Variants in IL5RA observed in about 807,000 individuals in gnomAD.
The protein encoded by IL5RA is interleukin-5 receptor subunit alpha.
A neutral mutation model predicts 50.0 loss-of-function variants in IL5RA; 49 were observed. The observed-to-expected ratio is 0.98, with a 90% confidence interval of 0.78 to 1.24. The LOEUF is 1.24. Among genes scored for constraint, IL5RA ranks in the 50% most tolerant of loss-of-function variants. The pLI is 0.00. For missense variants in IL5RA, 600 were observed against 500.4 expected, an observed-to-expected ratio of 1.20 and a Z score of -1.90; for synonymous variants, 202 against 174.0, an observed-to-expected ratio of 1.16 and a Z score of -1.26.
At chr3:3,090,298 C>G in intron 9 of IL5RA, 1 of 1,383,666 alleles carries the variant, frequency 7.2e-7, no homozygotes, top group Non-Finnish European at 1.0e-6. Context: ...GATACACAAT[C>G]AATCCTTGTA....
chr3:3,086,333 C>G (rs188690612), intron 9 of IL5RA, among the ~76,000 whole-genome samples: 2 of 152,144 alleles, frequency 1.3e-5, no homozygotes, highest in African/African-American at 4.8e-5. Flanking sequence ...TGAGAAAACA[C>G]ACAGCTTCAT....
In IL5RA at chr3:3,079,953, G is replaced by C. The variant is rs141383510; in HGVS notation, c.995-3326C>G. On this transcript the variant is annotated intron_variant, in intron 9 of 11. Coordinates refer to ENST00000446632, the MANE Select transcript of IL5RA (RefSeq NM_175726.4). ...GGAGGCTGAGGCAGGAGGATCCCTT[G>C]AACCTAGGAGGCAGAGGCTGCAGTG... 1.5e-3 allele frequency among the ~76,000 whole-genome samples: 222 copies of C among 152,166 alleles called. 1 individual carries two copies. The highest frequency in any genetic ancestry group is 5.1e-3 in the African/African-American group (212 of 41,516).
chr3:3,103,785 C>T (rs1055979499), intron 3 of IL5RA, among the ~76,000 whole-genome samples: 8 of 61,366 alleles, frequency 1.3e-4, no homozygotes, highest in Admixed American at 1.9e-4. Flanking sequence ...ATGATATATT[C>T]GTTATGTTTT....
chr3:3,080,026 T>C (rs1702613940), intron 9 of IL5RA, among the ~76,000 whole-genome samples: 1 of 151,760 alleles, frequency 6.6e-6, no homozygotes, highest in South Asian at 2.1e-4. Context: ...AGCAAGACAC[T>C]GTCTCGAAAA....
At chr3:3,076,701 G>T in intron 9 of IL5RA, 74 bp from the exon 10 acceptor site, 1 of 935,074 alleles carries the variant, frequency 1.1e-6, no homozygotes, top group Non-Finnish European at 1.7e-6. Flanking sequence ...AAATGATGAG[G>T]CTTGGGTCAT....
chr3:3,092,198 A>G lies in IL5RA; in HGVS notation c.994+26T>C, dbSNP rs76491540. The stretch of plus-strand genomic sequence containing the variant: ...TTTTTGATCACAAGGAAGGCTGCCA[A>G]TGTAAAATAAACATAAGCTACTTAC... On this transcript the variant is annotated intron_variant, in intron 9 of 11. Transcript: ENST00000446632. This position sits in a 1 kb window ranked among gnomAD's most constrained non-coding sequence, Gnocchi z 4.2. 2,537 of 1,605,414 alleles carry G rather than the reference A, an allele frequency of 1.6e-3. 86 individuals are homozygous for G. In the East Asian group the frequency reaches 0.05, roughly 31 times the overall value.
At chr3:3,086,404 G>T (rs901531829) in intron 9 of IL5RA, among the ~76,000 whole-genome samples, 2 of 152,140 alleles carry the variant, frequency 1.3e-5, no homozygotes, top group African/African-American at 4.8e-5. Context: ...GATAACAAAG[G>T]AACAGAAGAA....
chr3:3,101,568 T>C, intron 5 of IL5RA, 124 bp downstream of exon 5: 1 of 850,034 alleles, frequency 1.2e-6, no homozygotes. Flanking sequence ...GTTGTTGATA[T>C]GGGAGAGTAC....
intron 3 of IL5RA, 180 bp from the exon 4 acceptor site, chr3:3,103,000 G>A (rs1703727792): frequency 4.1e-6 from 2 of 487,138 alleles, no homozygotes; most frequent in East Asian, 3.7e-5. Context: ...ATTTCTACCC[G>A]AGTAGCTGGG....
At chr3:3,101,124 A>C (rs1703630608) in intron 5 of IL5RA, among the ~76,000 whole-genome samples, 1 of 151,686 alleles carries the variant, frequency 6.6e-6, no homozygotes, top group Non-Finnish European at 1.5e-5. Context: ...GGTTGCAGTG[A>C]GTCAAGAACA....
chr3:3,108,623 T>C lies in IL5RA; in HGVS notation c.-77A>G, dbSNP rs1454484816. 1 of 152,288 alleles carries C rather than the reference T, an allele frequency of 6.6e-6. No individual in the cohort carries two copies. Among genetic ancestry groups the C allele is most frequent in the Non-Finnish European group, 1.5e-5 (1 of 68,072 alleles). 9.4% of individuals were successfully genotyped at this position (152,288 alleles called of 1,614,324 possible). On this transcript the variant is annotated 5_prime_UTR_variant, in exon 2 of 12. Transcript: ENST00000446632. ...GCGAGGACCGTGTCTGTCGTGTCTA[T>C]GCTCGTGGCTGCAACCCCAGCATCT...
chr3:3,071,451 T>G (rs1188528168), intron 11 of IL5RA, among the ~76,000 whole-genome samples: 1 of 152,210 alleles, frequency 6.6e-6, no homozygotes, highest in East Asian at 1.9e-4. Flanking sequence ...CTTGTCTCTA[T>G]AAAAATTGTC....
At chr3:3,107,247 AC>A (rs1332222701) in intron 2 of IL5RA, among the ~76,000 whole-genome samples, 1 of 77,934 alleles carries the variant, frequency 1.3e-5, no homozygotes, top group African/African-American at 4.2e-5. Context: ...AAAAAGAATG[AC>A]ATTTTTTTTT....
rs1444674518 is a variant in IL5RA, at chr3:3,097,958, C to T, written c.621G>A (p.Gly207=). The T allele has an allele frequency of 6.2e-7, 1 of 1,614,064 alleles. No individual in the cohort carries two copies. Among genetic ancestry groups the T allele is most frequent in the African/African-American group, 1.3e-5 (1 of 74,906 alleles). The part of the protein sequence containing the change: ...WFPRTFILSK[G]RDWLAVLVNG... ...TAACAAGCACCGCAAGCCAGTCACG[C>T]CCTTTGCTGAGGATAAAAGTCCTGG... The change falls in exon 7 of 12, where the codon GGG becomes GGA. Residue 207 remains glycine (G), a synonymous_variant. Coordinates refer to ENST00000446632, the MANE Select transcript of IL5RA (RefSeq NM_175726.4).
chr3:3,094,567 A>C (rs1559872637), intron 8 of IL5RA, among the ~76,000 whole-genome samples: 1 of 152,188 alleles, frequency 6.6e-6, no homozygotes, highest in Non-Finnish European at 1.5e-5. Context: ...TGCTATGGAC[A>C]TGGGTGTACA....
chr3:3,079,489 T>G (rs574735364), intron 9 of IL5RA, among the ~76,000 whole-genome samples: 3 of 152,166 alleles, frequency 2.0e-5, no homozygotes, highest in Non-Finnish European at 2.9e-5. Flanking sequence ...GCGTACCCAG[T>G]GATTAGTGCC....
intron 10 of IL5RA, among the ~76,000 whole-genome samples, 161 bp from the exon 11 acceptor site, chr3:3,075,027 G>A (rs556678460): frequency 6.6e-6 from 1 of 152,040 alleles, no homozygotes; most frequent in Admixed American, 6.5e-5. Flanking sequence ...AAGACTTTGT[G>A]GGTACCGCAA....
intron 9 of IL5RA, among the ~76,000 whole-genome samples, chr3:3,084,871 G>A (rs1471042238): frequency 6.6e-6 from 1 of 152,248 alleles, no homozygotes; most frequent in East Asian, 1.9e-4. Context: ...CCTGCACAGG[G>A]GCTGGCCCCC....
Position 3,110,257 on chromosome 3 carries a change from T to C in IL5RA, c.-458A>G, listed in dbSNP as rs1704120106. 1 of 152,248 alleles carries C rather than the reference T, an allele frequency of 6.6e-6. No individual in the cohort carries two copies. Among genetic ancestry groups the C allele is most frequent in the African/African-American group, 2.4e-5 (1 of 41,452 alleles). 9.4% of individuals were successfully genotyped at this position (152,248 alleles called of 1,614,324 possible). ...TCTGATAACTGTCTTGTCTGCATTTTCACTCTCTTTCAGAGTTGGTTTGCT... is the reference window on the plus strand; with the variant it reads ...TCTGATAACTGTCTTGTCTGCATTTCCACTCTCTTTCAGAGTTGGTTTGCT... On this transcript the variant is annotated 5_prime_UTR_variant, in exon 1 of 12. Coordinates refer to ENST00000446632, the MANE Select transcript of IL5RA (RefSeq NM_175726.4).
Sources: gnomAD v4.1 joint callset for allele counts (sites outside exome capture counted in the v4.1 genomes callset) on GRCh38, gnomAD v4.1.1 for gene constraint, Gnocchi (gnomAD v3.1) non-coding constraint, MANE v1.5 for transcripts, NCBI Gene and HGNC (gene_info 2026-07-23, HGNC 2026-07-21) for gene names.